RIC8B: variants seen among roughly 807,000 people sequenced by gnomAD.
The protein encoded by RIC8B is RIC8 guanine nucleotide exchange factor B.
In RIC8B, 16 loss-of-function variants were observed where a neutral mutation model predicts 57.5. That is an observed-to-expected ratio of 0.28 (90% CI 0.19 to 0.42). The LOEUF is 0.42. Among genes scored for constraint, RIC8B ranks in the 10% least tolerant of loss-of-function variants. RIC8B has a pLI of 1.00. For synonymous variants in RIC8B, 216 were observed against 250.8 expected, an observed-to-expected ratio of 0.86 and a Z score of 1.31; for missense variants, 481 against 677.0, an observed-to-expected ratio of 0.71 and a Z score of 3.21.
intron 4 of RIC8B, among the ~76,000 whole-genome samples, chr12:106,837,639 G>GTTTTTTTTTTTTT (rs375634080): frequency 5.2e-5 from 6 of 115,320 alleles, no homozygotes; most frequent in South Asian, 2.8e-4. Context: ...AAAATCTTTT[G>GTTTTTTTTTTTTT]TTTTTTTTTT....
intron 7 of RIC8B, among the ~76,000 whole-genome samples, chr12:106,853,199 A>C (rs889014865): frequency 6.6e-6 from 1 of 151,924 alleles, no homozygotes; most frequent in Non-Finnish European, 1.5e-5. Context: ...GTATATCTAA[A>C]TATATAAATC....
chr12:106,787,359 T>C (rs1473901934), intron 2 of RIC8B, among the ~76,000 whole-genome samples: 2 of 152,202 alleles, frequency 1.3e-5, no homozygotes, highest in African/African-American at 4.8e-5. Context: ...ATCAGAACTA[T>C]TGGACAGCTC....
At chr12:106,855,280 T>G (rs1415776406) in intron 7 of RIC8B, among the ~76,000 whole-genome samples, 3 of 152,226 alleles carry the variant, frequency 2.0e-5, no homozygotes. Context: ...CTAGTCTCCC[T>G]TTCCTGTTGA....
Position 106,775,015 on chromosome 12 carries a change from T to C in RIC8B, c.84+186T>C, listed in dbSNP as rs958203334. The C allele has an allele frequency of 7.0e-6, 4 of 573,316 alleles. No individual in the cohort carries two copies. In the African/African-American group the frequency reaches 7.6e-5, roughly 11 times the overall value. 35.5% of individuals were successfully genotyped at this position (573,316 alleles called of 1,614,324 possible). Reference sequence around the variant, plus strand: ...TCCATCCATGCATCCTGCATCCCACTACCCCCACTGTAGCGCCCACTCCTC... The same window carrying C: ...TCCATCCATGCATCCTGCATCCCACCACCCCCACTGTAGCGCCCACTCCTC... On this transcript the variant is annotated intron_variant, in intron 1 of 9. Transcript: ENST00000392837.
chr12:106,848,751 C>A (rs1446578556), intron 6 of RIC8B, among the ~76,000 whole-genome samples: 1 of 152,108 alleles, frequency 6.6e-6, no homozygotes, highest in Non-Finnish European at 1.5e-5. Context: ...TTGGTGGGAA[C>A]TTCAAGAGTC....
At chr12:106,777,363 C>T (rs1015342181) in intron 1 of RIC8B, among the ~76,000 whole-genome samples, 4 of 151,972 alleles carry the variant, frequency 2.6e-5, no homozygotes, top group African/African-American at 9.7e-5. Flanking sequence ...ATTAAATTGC[C>T]CAGCTCTATG....
At chr12:106,860,119 A>G (rs892647294) in intron 7 of RIC8B, 149 bp from the exon 8 acceptor site, 3 of 631,246 alleles carry the variant, frequency 4.8e-6, no homozygotes, top group African/African-American at 3.8e-5. Flanking sequence ...TAAGTAGTTC[A>G]GTATAACCAC....
chr12:106,841,321 C>G (rs949537361), intron 4 of RIC8B, among the ~76,000 whole-genome samples: 15 of 152,046 alleles, frequency 9.9e-5, no homozygotes, highest in Non-Finnish European at 2.1e-4. Context: ...TTCTGTTCTG[C>G]ATTGTCTAAC....
chr12:106,843,853 G>A lies in RIC8B; in HGVS notation c.1067G>A (p.Gly356Glu). Residue 356 changes from glycine to glutamate, a missense_variant and splice_region_variant, in exon 6 of 10, where the codon GGA (glycine) becomes GAA (glutamate). Physicochemically the swap from Gly to Glu is moderately conservative, Grantham distance 98. Around this residue, in one of 3 missense-constraint regions of RIC8B, gnomAD observed 421 missense variants for 560.9 expected, o/e 0.75. Transcript: ENST00000392837. Reference sequence around the variant, plus strand: ...AACATATGGTTTTTTTTTTTATAGGGAAGCAGCTATAGAGAGGGTCTAACT... The same window carrying A: ...AACATATGGTTTTTTTTTTTATAGGAAAGCAGCTATAGAGAGGGTCTAACT... ...LNFMEKRIDK[G>E]SSYREGLTPV... 1.9e-6 allele frequency: 3 copies of A among 1,597,158 alleles called. No homozygotes were observed. The highest frequency in any genetic ancestry group is 1.4e-5 in the African/African-American group (1 of 73,726).
At chr12:106,859,710 T>C (rs770796907) in intron 7 of RIC8B, among the ~76,000 whole-genome samples, 8 of 152,164 alleles carry the variant, frequency 5.3e-5, no homozygotes, top group Non-Finnish European at 8.8e-5. Context: ...ACCTTCGTAA[T>C]GGGCTTCATG....
intron 6 of RIC8B, among the ~76,000 whole-genome samples, chr12:106,847,129 C>G (rs982149510): frequency 6.6e-6 from 1 of 152,098 alleles, no homozygotes; most frequent in African/African-American, 2.4e-5. Flanking sequence ...GTAGAAATTA[C>G]TGACCCAGGT....
Position 106,886,177 on chromosome 12 carries a change from T to G in RIC8B, c.*162T>G, listed in dbSNP as rs1438573061. Reference sequence around the variant, plus strand: ...AGCATATTTAAGAGGTGACCCTGTGTTTTTTGTGATATTGAGGCATTCATA... The same window carrying G: ...AGCATATTTAAGAGGTGACCCTGTGGTTTTTGTGATATTGAGGCATTCATA... On this transcript the variant is annotated 3_prime_UTR_variant, in exon 10 of 10. Coordinates refer to ENST00000392837, the MANE Select transcript of RIC8B (RefSeq NM_001330145.2). 1.7e-6 allele frequency: 1 copy of G among 596,388 alleles called. No individual in the cohort carries two copies. The highest frequency in any genetic ancestry group is 1.9e-5 in the African/African-American group (1 of 53,484). 36.9% of individuals were successfully genotyped at this position (596,388 alleles called of 1,614,324 possible).
In RIC8B at chr12:106,774,734, G is replaced by T; in HGVS notation, c.-12G>T. 1.3e-6 allele frequency: 2 copies of T among 1,545,648 alleles called. No homozygotes were observed. The highest frequency in any genetic ancestry group is 1.7e-6 in the Non-Finnish European group (2 of 1,144,148). On this transcript the variant is annotated 5_prime_UTR_variant, in exon 1 of 10. Coordinates refer to ENST00000392837, the MANE Select transcript of RIC8B (RefSeq NM_001330145.2). ...CGCGCAGAGCGGCCGCGGCTCCCCCGCACCTGCGGCCATGGATGAGGAGCG... is the reference window on the plus strand; with the variant it reads ...CGCGCAGAGCGGCCGCGGCTCCCCCTCACCTGCGGCCATGGATGAGGAGCG...
At chr12:106,798,133 T>C (rs771762079) in intron 2 of RIC8B, 2 of 647,856 alleles carry the variant, frequency 3.1e-6, no homozygotes, top group African/African-American at 1.8e-5. Flanking sequence ...TTATAACACT[T>C]AGGCATATCG....
At chr12:106,820,034 A>T (rs1439771919) in intron 3 of RIC8B, among the ~76,000 whole-genome samples, 1 of 152,174 alleles carries the variant, frequency 6.6e-6, no homozygotes, top group Non-Finnish European at 1.5e-5. Context: ...TTACCTTCAG[A>T]AAAATATTGT....
chr12:106,788,715 G>C (rs1019693463), intron 2 of RIC8B, among the ~76,000 whole-genome samples: 1 of 152,126 alleles, frequency 6.6e-6, no homozygotes, highest in African/African-American at 2.4e-5. Context: ...CTGGGACTCA[G>C]GGCACCAAGT....
At chr12:106,813,205 T>TG (rs2045415338) in intron 2 of RIC8B, among the ~76,000 whole-genome samples, 1 of 147,840 alleles carries the variant, frequency 6.8e-6, no homozygotes, top group Non-Finnish European at 1.5e-5. Flanking sequence ...TTTTTTTTTT[T>TG]TTTTGAGACA....
At chr12:106,813,005 G>C (rs1441947987) in intron 2 of RIC8B, among the ~76,000 whole-genome samples, 1 of 151,914 alleles carries the variant, frequency 6.6e-6, no homozygotes, top group Non-Finnish European at 1.5e-5. Flanking sequence ...TCAATTGTAG[G>C]TTGAAAATAC....
At chr12:106,828,023 T>C (rs1419380332) in intron 4 of RIC8B, among the ~76,000 whole-genome samples, 1 of 152,218 alleles carries the variant, frequency 6.6e-6, no homozygotes, top group Non-Finnish European at 1.5e-5. Flanking sequence ...AACTATGTAA[T>C]AGAGGTTTTT....
Sources: gnomAD v4.1 joint callset for allele counts (sites outside exome capture counted in the v4.1 genomes callset) on GRCh38, gnomAD v4.1.1 for gene constraint, gnomAD v4.1.1 regional missense constraint, MANE v1.5 for transcripts, NCBI Gene and HGNC (gene_info 2026-07-23, HGNC 2026-07-21) for gene names.